The following SGCZ variants were observed in gnomAD, a reference collection of about 807,000 sequenced individuals.
The protein encoded by SGCZ is sarcoglycan zeta, also known as zeta-sarcoglycan.
In SGCZ, 40 loss-of-function variants were observed where a neutral mutation model predicts 41.3. That is an observed-to-expected ratio of 0.97 (90% confidence interval 0.75 to 1.26). The LOEUF (loss-of-function observed/expected upper bound fraction) is 1.26. Among genes scored for constraint, SGCZ ranks in the 50% most tolerant of loss-of-function variants. The pLI is 0.00. For missense variants in SGCZ, 552 were observed against 369.8 expected (o/e 1.49, Z -4.04); for synonymous variants, 206 against 137.5 (o/e 1.50, Z -3.49).
intron 1 of SGCZ, among the ~76,000 whole-genome samples, chr8:14,807,542 C>G (rs1246020936): frequency 6.6e-6 from 1 of 151,606 alleles, no homozygotes; most frequent in East Asian, 1.9e-4. Flanking sequence ...AGGACCTCTT[C>G]AAGGAGAACT....
intron 4 of SGCZ, among the ~76,000 whole-genome samples, chr8:14,167,976 T>C (rs1804258934): frequency 6.6e-6 from 1 of 152,180 alleles, no homozygotes; most frequent in Non-Finnish European, 1.5e-5. Context: ...ATTTTCAAGA[T>C]TCCTCTTGGT....
chr8:14,324,707 G>A (rs916140677), intron 2 of SGCZ, among the ~76,000 whole-genome samples: 2 of 152,122 alleles, frequency 1.3e-5, no homozygotes, highest in Admixed American at 1.3e-4. Flanking sequence ...ATGAGTAGGT[G>A]TCTGTCAGAT....
intron 1 of SGCZ, among the ~76,000 whole-genome samples, chr8:14,874,275 G>A (rs1318222920): frequency 6.6e-6 from 1 of 152,090 alleles, no homozygotes; most frequent in African/African-American, 2.4e-5. Flanking sequence ...CTGATCTGCT[G>A]TACTGTTTAA....
intron 2 of SGCZ, among the ~76,000 whole-genome samples, chr8:14,435,815 C>A (rs1206198276): frequency 6.6e-6 from 1 of 152,138 alleles, no homozygotes; most frequent in African/African-American, 2.4e-5. Flanking sequence ...ACTCAATCAT[C>A]GTATTTATTT....
chr8:14,165,575 TA>T (rs1804182961), intron 4 of SGCZ, among the ~76,000 whole-genome samples: 1 of 152,132 alleles, frequency 6.6e-6, no homozygotes, highest in Admixed American at 6.6e-5. Flanking sequence ...TCTTTGGACA[TA>T]ACACTTTTGG....
intron 1 of SGCZ, among the ~76,000 whole-genome samples, chr8:15,190,584 G>T (rs1484711943): frequency 6.6e-6 from 1 of 152,038 alleles, no homozygotes; most frequent in African/African-American, 2.4e-5. Context: ...CAGCACGAAA[G>T]AATGGTGCAA....
At chr8:14,795,194 A>G (rs1307295929) in intron 1 of SGCZ, among the ~76,000 whole-genome samples, 1 of 152,224 alleles carries the variant, frequency 6.6e-6, no homozygotes, top group Non-Finnish European at 1.5e-5. Context: ...TACATGTGAA[A>G]GATATATTTG....
In SGCZ at chr8:14,975,197, T is replaced by C. The variant is rs370673787; in HGVS notation, c.39+262388A>G. ...GGCGGCTGCCTGTAGCCCCAGCTAC[T>C]TGGGAGGCTGAGGCAGGAGAATCAT... On this transcript the variant is annotated intron_variant, in intron 1 of 7. Transcript: ENST00000382080. Among the ~76,000 whole-genome samples the C allele has an allele frequency of 5.4e-4, 82 of 152,144 alleles. No homozygotes were observed. In the East Asian group the frequency reaches 7.9e-3, roughly 15 times the overall value.
chr8:14,896,819 C>T (rs1805217253), intron 1 of SGCZ, among the ~76,000 whole-genome samples: 1 of 151,404 alleles, frequency 6.6e-6, no homozygotes, highest in African/African-American at 2.4e-5. Flanking sequence ...TGCTCTGTCA[C>T]CCAGGCTCTG....
intron 1 of SGCZ, among the ~76,000 whole-genome samples, chr8:15,232,744 T>TATATATATAC (rs1801988795): frequency 6.9e-6 from 1 of 145,334 alleles, no homozygotes; most frequent in Non-Finnish European, 1.5e-5. Context: ...TATATGTGTG[T>TATATATATAC]ATATATATAC....
chr8:14,783,780 G>GT (rs1253931554), intron 1 of SGCZ, among the ~76,000 whole-genome samples: 1 of 152,016 alleles, frequency 6.6e-6, no homozygotes, highest in Non-Finnish European at 1.5e-5. Flanking sequence ...CAATCTGAAA[G>GT]TTTTTTTAAT....
intron 2 of SGCZ, among the ~76,000 whole-genome samples, chr8:14,386,140 C>A (rs1804567082): frequency 6.6e-6 from 1 of 151,978 alleles, no homozygotes; most frequent in African/African-American, 2.4e-5. Context: ...AATACAGAGG[C>A]CCAACCATAT....
chr8:15,080,757 A>AT (rs993158791), intron 1 of SGCZ, among the ~76,000 whole-genome samples: 10 of 151,616 alleles, frequency 6.6e-5, no homozygotes, highest in Middle Eastern at 3.4e-3. Context: ...TGCTCAGCTA[A>AT]TTTTTTTTGT....
intron 1 of SGCZ, among the ~76,000 whole-genome samples, chr8:14,588,939 A>G (rs1214169409): frequency 6.6e-6 from 1 of 152,196 alleles, no homozygotes; most frequent in African/African-American, 2.4e-5. Context: ...TTTGTCAAAT[A>G]TAATTCAGAT....
chr8:14,329,867 T>TC (rs1310193170), intron 2 of SGCZ, among the ~76,000 whole-genome samples: 1 of 151,950 alleles, frequency 6.6e-6, no homozygotes. Context: ...TGCTTTTTTT[T>TC]CATCATCACT....
At chr8:14,706,704 A>G (rs1033950537) in intron 1 of SGCZ, among the ~76,000 whole-genome samples, 2 of 152,100 alleles carry the variant, frequency 1.3e-5, no homozygotes, top group Non-Finnish European at 2.9e-5. Flanking sequence ...GATGCGTTAA[A>G]ATGATTTATT....
intron 5 of SGCZ, among the ~76,000 whole-genome samples, chr8:14,120,754 T>C (rs1351568407): frequency 6.6e-6 from 1 of 152,136 alleles, no homozygotes; most frequent in Non-Finnish European, 1.5e-5. Flanking sequence ...TGGAATGAAT[T>C]ATTAAATTTA....
At chr8:14,656,792 G>A (rs1349144838) in intron 1 of SGCZ, among the ~76,000 whole-genome samples, 1 of 151,848 alleles carries the variant, frequency 6.6e-6, no homozygotes, top group Non-Finnish European at 1.5e-5. Flanking sequence ...TTTCTAAAAT[G>A]GAAATTGTGT....
chr8:14,344,660 A>G (rs930706313), intron 2 of SGCZ, among the ~76,000 whole-genome samples: 1 of 152,114 alleles, frequency 6.6e-6, no homozygotes, highest in Non-Finnish European at 1.5e-5. Context: ...TGACATGAAT[A>G]TGTATGCAGA....
Sources: allele counts gnomAD v4.1 joint callset (sites outside exome capture counted in the v4.1 genomes callset), GRCh38; gene constraint gnomAD v4.1.1; transcripts MANE v1.5; gene names NCBI Gene and HGNC (gene_info 2026-07-23, HGNC 2026-07-21).